The following CCDC40 variants were observed in gnomAD, a reference collection of about 807,000 sequenced individuals.
The protein encoded by CCDC40 is coiled-coil domain 40 molecular ruler complex subunit, also known as coiled-coil domain-containing protein 40.
CCDC40 carries 104 observed loss-of-function variants against 124.5 expected under a neutral mutation model. The observed-to-expected ratio is 0.84, with a 90% CI of 0.71 to 0.98. CCDC40 has a LOEUF of 0.98. Among genes scored for constraint, CCDC40 ranks in the 50% least tolerant of loss-of-function variants. The pLI, the probability that CCDC40 is intolerant of heterozygous loss-of-function variation, is 0.00. For synonymous variants in CCDC40, 580 were observed against 602.9 expected (o/e 0.96, Z 0.56); for missense variants, 1,463 against 1,503.9 (o/e 0.97, Z 0.45).
intron 7 of CCDC40, among the ~76,000 whole-genome samples, chr17:80,053,348 C>A (rs2143629726): frequency 6.6e-6 from 1 of 152,334 alleles, no homozygotes; most frequent in East Asian, 1.9e-4. Flanking sequence ...TCATCAAGGC[C>A]TCCATCAGCT....
chr17:80,090,229 G>T, intron 17 of CCDC40: 3 of 857,466 alleles, frequency 3.5e-6, no homozygotes, highest in Non-Finnish European at 5.0e-6. Flanking sequence ...CACGGGACGC[G>T]CGCAGGCACG....
At position 80,088,206 on chromosome 17, in the gene CCDC40, C is replaced by T. The variant is rs1441080677; in HGVS notation, c.2711+104C>T. On this transcript the variant is annotated intron_variant, in intron 16 of 19. Coordinates refer to ENST00000397545, the MANE Select transcript of CCDC40 (RefSeq NM_017950.4). ...GGAGGCCAGGTGTGGCAGCTCACAC[C>T]CATATCCCAGTGCTTTGGTCATTTT... 1.0e-5 allele frequency: 8 copies of T among 779,792 alleles called. No individual in the cohort carries two copies. The Admixed American group carries it at 1.5e-4, about 15-fold the overall frequency. 48.3% of individuals were successfully genotyped at this position (779,792 alleles called of 1,614,324 possible).
intron 4 of CCDC40, among the ~76,000 whole-genome samples, chr17:80,048,017 T>C (rs914975504): frequency 6.6e-6 from 1 of 152,130 alleles, no homozygotes; most frequent in African/African-American, 2.4e-5. Flanking sequence ...ACGCCTGGAA[T>C]CCCAGCCAAG....
intron 9 of CCDC40, 79 bp from the exon 10 acceptor site, chr17:80,065,406 G>T (rs1279847748): frequency 1.3e-6 from 2 of 1,582,506 alleles, no homozygotes; most frequent in African/African-American, 2.7e-5. Context: ...ATTTGGGAAT[G>T]TGAGGCTCTG....
chr17:80,099,214 C>T (rs1318489239), intron 19 of CCDC40, among the ~76,000 whole-genome samples: 4 of 151,998 alleles, frequency 2.6e-5, no homozygotes, highest in Admixed American at 1.3e-4. Flanking sequence ...TGGCGTGAAC[C>T]CGGGAGGCGG....
rs760266517 is a variant in CCDC40, at chr17:80,099,730, C to T, written c.3384C>T (p.Val1128=). The change falls in exon 20 of 20, where the codon GTC becomes GTT. Residue 1128 remains valine, a synonymous_variant. Coordinates refer to ENST00000397545, the MANE Select transcript of CCDC40 (RefSeq NM_017950.4). The part of the protein sequence containing the change: ...YPQFQEALHK[V]SQMIANKLES... ...AGTTCCAGGAGGCCCTGCACAAGGT[C>T]AGCCAGATGATCGCCAACAAGCTCG... 5.6e-6 allele frequency: 9 copies of T among 1,613,542 alleles called. No homozygotes were observed.
In CCDC40 at chr17:80,099,201, T is replaced by G. The variant is rs56120040; in HGVS notation, c.3181-326T>G. Among the ~76,000 whole-genome samples, 55,055 of 150,482 alleles carry G rather than the reference T, an allele frequency of 0.37. 10,962 individuals are homozygous for G. The highest frequency in any genetic ancestry group is 0.53 in the East Asian group (2,666 of 5,072). On this transcript the variant is annotated intron_variant, in intron 19 of 19. Transcript: ENST00000397545. ...AGCTACTCAGGAGGCTGAGACAGGA[T>G]AATGGCGTGAACCCGGGAGGCGGAG...
intron 10 of CCDC40, chr17:80,067,158 A>C (rs1183046229): frequency 4.7e-6 from 1 of 211,620 alleles, no homozygotes; most frequent in Non-Finnish European, 9.4e-6. Context: ...CCCCAAGGGA[A>C]GACGTCACCT....
At chr17:80,067,323 CAGTCACTAGA>C in intron 10 of CCDC40, 1 of 581,630 alleles carries the variant, frequency 1.7e-6, no homozygotes, top group South Asian at 2.2e-5. Context: ...CCTCGGCCCG[CAGTCACTAGA>C]ACCCCCTCCC....
intron 7 of CCDC40, among the ~76,000 whole-genome samples, chr17:80,057,050 AAAG>A (rs1195552023): frequency 1.1e-4 from 17 of 151,300 alleles, no homozygotes; most frequent in South Asian, 4.2e-4. Flanking sequence ...AAAAAAAAAA[AAAG>A]AAGAATAGCA....
At position 80,057,038 on chromosome 17, in the gene CCDC40, CA is replaced by C. The variant is rs34229653; in HGVS notation, c.1160-1442del. 2.4e-3 allele frequency among the ~76,000 whole-genome samples: 265 copies of C among 109,942 alleles called. 2 individuals carry two copies. Among genetic ancestry groups the C allele is most frequent in the East Asian group, 0.018 (63 of 3,456 alleles). 72.1% of individuals were successfully genotyped at this position (109,942 alleles called of 152,430 possible). A position where few individuals can be genotyped will look rare whatever the true frequency, so the allele number is the denominator to read the frequency against. On this transcript the variant is annotated intron_variant, in intron 7 of 19. Transcript: ENST00000397545. ...TGGGCGACAGAGTGAGACTCTGTCT[CA>C]AAAAAAAAAAAAAGAAGAATAGCAA...
In CCDC40 at chr17:80,087,976, C is replaced by T; in HGVS notation, c.2620-35C>T. 1 of 1,507,108 alleles carries T rather than the reference C, an allele frequency of 6.6e-7. No individual in the cohort carries two copies. Among genetic ancestry groups the T allele is most frequent in the Non-Finnish European group, 9.2e-7 (1 of 1,082,678 alleles). 93.4% of individuals were successfully genotyped at this position (1,507,108 alleles called of 1,614,324 possible). ...CCCCGGCATCCACAATCCCATGGCC[C>T]TCCCCACAGCTGTCCCGCCCCCTCC... is the stretch of plus-strand genomic sequence containing the variant. On this transcript the variant is annotated intron_variant, in intron 15 of 19. Coordinates refer to ENST00000397545, the MANE Select transcript of CCDC40 (RefSeq NM_017950.4). This position sits in a 1 kb window ranked among gnomAD's most constrained non-coding sequence, Gnocchi z 4.5.
chr17:80,075,768 T>G (rs1445322492), intron 10 of CCDC40, among the ~76,000 whole-genome samples: 2 of 151,730 alleles, frequency 1.3e-5, no homozygotes. Context: ...CCTGAGCCAC[T>G]GCGCCCGGCC....
chr17:80,046,584 C>G (rs1224055876), intron 3 of CCDC40, among the ~76,000 whole-genome samples: 1 of 149,598 alleles, frequency 6.7e-6, no homozygotes, highest in Non-Finnish European at 1.5e-5. Flanking sequence ...GTGTCTGCAT[C>G]TGTAGCTAAG....
At chr17:80,048,810 G>A in intron 5 of CCDC40, 49 bp downstream of exon 5, 1 of 1,507,788 alleles carries the variant, frequency 6.6e-7, no homozygotes, top group Non-Finnish European at 9.1e-7. Flanking sequence ...GATGGCGAAT[G>A]ACTCAGGCCC....
intron 16 of CCDC40, 47 bp downstream of exon 16, chr17:80,088,149 C>G (rs1175362991): frequency 7.7e-7 from 1 of 1,302,296 alleles, no homozygotes; most frequent in Admixed American, 1.7e-5. Context: ...GGTCACTGCA[C>G]CTACAGGCCT....
chr17:80,055,637 G>A (rs140612027), intron 7 of CCDC40, among the ~76,000 whole-genome samples: 236 of 152,140 alleles, frequency 1.6e-3, no homozygotes, highest in African/African-American at 4.9e-3. Flanking sequence ...GTTACCCTCC[G>A]TGGTGAGATG....
intron 7 of CCDC40, among the ~76,000 whole-genome samples, chr17:80,056,391 T>C (rs1056610984): frequency 6.6e-6 from 1 of 150,628 alleles, no homozygotes; most frequent in African/African-American, 2.4e-5. Flanking sequence ...AGGCTGAGGC[T>C]GGCAGATCGT....
At chr17:80,060,381 A>G (rs557426608) in intron 9 of CCDC40, among the ~76,000 whole-genome samples, 7 of 152,112 alleles carry the variant, frequency 4.6e-5, no homozygotes, top group African/African-American at 1.4e-4. Context: ...TGTCTCCACA[A>G]AAAAATAATA....
Sources: gnomAD v4.1 joint callset for allele counts (sites outside exome capture counted in the v4.1 genomes callset) on GRCh38, gnomAD v4.1.1 for gene constraint, Gnocchi (gnomAD v3.1) non-coding constraint, MANE v1.5 for transcripts, NCBI Gene and HGNC (gene_info 2026-07-23, HGNC 2026-07-21) for gene names.